The following PPP2R5C variants were observed in gnomAD, a reference collection of about 807,000 sequenced individuals.
PPP2R5C encodes the protein protein phosphatase 2 regulatory subunit B'gamma.
Under a neutral mutation model 68.9 loss-of-function variants are expected in PPP2R5C, and 7 were observed. That is an observed-to-expected ratio of 0.10 (90% CI 0.06 to 0.19). The LOEUF is 0.19. Among genes scored for constraint, PPP2R5C ranks in the 10% least tolerant of loss-of-function variants. The probability of loss-of-function intolerance (pLI) is 1.00; values close to 1 mark genes in which losing one functional copy is unlikely to be tolerated. For synonymous variants in PPP2R5C, 210 were observed against 222.2 expected (o/e 0.95, Z 0.49); for missense variants, 348 against 641.3 (o/e 0.54, Z 4.94).
At position 101,857,473 on chromosome 14, in the gene PPP2R5C, T is replaced by C. The variant is rs1222436128; in HGVS notation, c.294+588T>C. ...CCATGCTGATTGGCTGAGAAGGCCTTCCTCTGTCAGTGCTTCCTCTGTCAT... is the reference window on the plus strand; with the variant it reads ...CCATGCTGATTGGCTGAGAAGGCCTCCCTCTGTCAGTGCTTCCTCTGTCAT... On this transcript the variant is annotated intron_variant, in intron 2 of 13. Transcript: ENST00000334743. Among the ~76,000 whole-genome samples the C allele has an allele frequency of 2.6e-5, 4 of 151,912 alleles. No individual in the cohort carries two copies. In the South Asian group the frequency reaches 6.2e-4, roughly 24 times the overall value.
At position 101,906,362 on chromosome 14, in the gene PPP2R5C, A is replaced by G; in HGVS notation, c.1024-40A>G. On this transcript the variant is annotated intron_variant, in intron 9 of 13. Transcript: ENST00000334743. This position sits in a 1 kb window ranked among gnomAD's most constrained non-coding sequence, Gnocchi z 4.0. The stretch of plus-strand genomic sequence containing the variant: ...AGCAAGGACAGCCACCTGATGTCTC[A>G]GGCACAACCTCCAGCAAGCCATCCA... 1 of 1,547,838 alleles carries G rather than the reference A, an allele frequency of 6.5e-7. No homozygotes were observed. Among genetic ancestry groups the G allele is most frequent in the Non-Finnish European group, 8.7e-7 (1 of 1,149,038 alleles).
intron 10 of PPP2R5C, among the ~76,000 whole-genome samples, chr14:101,908,039 T>G (rs1479178603): frequency 2.0e-5 from 3 of 152,234 alleles, no homozygotes; most frequent in Non-Finnish European, 2.9e-5. Context: ...GCCTTCCTCC[T>G]GAGCAGCTGT....
intron 6 of PPP2R5C, among the ~76,000 whole-genome samples, chr14:101,892,102 C>G (rs2044970659): frequency 6.6e-6 from 1 of 152,062 alleles, no homozygotes; most frequent in South Asian, 2.1e-4. Flanking sequence ...ATTATAGGAG[C>G]CCGCCACCGC....
intron 1 of PPP2R5C, among the ~76,000 whole-genome samples, chr14:101,840,422 T>G (rs961031064): frequency 6.7e-6 from 1 of 149,382 alleles, no homozygotes; most frequent in Non-Finnish European, 1.5e-5. Flanking sequence ...CGCTTGCTGC[T>G]TTCTGGTTTT....
chr14:101,860,300 A>G (rs970786761), intron 2 of PPP2R5C, among the ~76,000 whole-genome samples: 3 of 152,156 alleles, frequency 2.0e-5, no homozygotes, highest in Non-Finnish European at 4.4e-5. Context: ...ATTACAGAAT[A>G]TGTACCCTTT....
At chr14:101,875,167 G>A (rs2043680274) in intron 2 of PPP2R5C, among the ~76,000 whole-genome samples, 3 of 152,158 alleles carry the variant, frequency 2.0e-5, no homozygotes, top group Non-Finnish European at 4.4e-5. Context: ...TCACATCATG[G>A]CATCTATTTG....
chr14:101,823,702 A>T, intron 1 of PPP2R5C: 1 of 975,796 alleles, frequency 1.0e-6, no homozygotes, highest in Non-Finnish European at 1.2e-6. Flanking sequence ...GGAGCTGGTG[A>T]CAGAGACCAG....
chr14:101,865,743 C>T (rs74401859), intron 2 of PPP2R5C, among the ~76,000 whole-genome samples: 59 of 152,264 alleles, frequency 3.9e-4, no homozygotes, highest in African/African-American at 1.4e-3. Context: ...GGGCAGCCCC[C>T]GTGACAAAGT....
intron 1 of PPP2R5C, among the ~76,000 whole-genome samples, chr14:101,841,569 C>T (rs1007423824): frequency 1.3e-5 from 2 of 152,236 alleles, no homozygotes; most frequent in African/African-American, 4.8e-5. Flanking sequence ...ATGAGGCTCC[C>T]TGCTGAGCGG....
chr14:101,848,045 A>T (rs914045135), intron 1 of PPP2R5C, among the ~76,000 whole-genome samples: 1 of 152,190 alleles, frequency 6.6e-6, no homozygotes, highest in African/African-American at 2.4e-5. Context: ...TCTGATAAGC[A>T]TGTCATACCA....
intron 13 of PPP2R5C, among the ~76,000 whole-genome samples, chr14:101,919,969 C>CAAAAAAAAAA (rs34641396): frequency 1.9e-5 from 1 of 52,884 alleles, no homozygotes; most frequent in Non-Finnish European, 3.4e-5. Flanking sequence ...AACTCCGTCT[C>CAAAAAAAAAA]AAAAAAAAAA....
chr14:101,919,198 C>G (rs536151991), intron 13 of PPP2R5C, among the ~76,000 whole-genome samples: 1 of 152,342 alleles, frequency 6.6e-6, no homozygotes, highest in East Asian at 1.9e-4. Context: ...CCACGGTCAT[C>G]GGCCTCTTCT....
chr14:101,761,046 C>CGGAGGGGAGGGGAGTGGAG (rs1595371958), upstream of PPP2R5C, among the ~76,000 whole-genome samples: 1 of 53,274 alleles, frequency 1.9e-5, no homozygotes, highest in Admixed American at 2.1e-4. Context: ...GGGGAGGGGA[C>CGGAGGGGAGGGGAGTGGAG]GGAGGGGAGG....
intron 8 of PPP2R5C, among the ~76,000 whole-genome samples, chr14:101,897,499 A>C (rs940935578): frequency 2.0e-5 from 3 of 151,898 alleles, no homozygotes; most frequent in African/African-American, 7.3e-5. Flanking sequence ...GCCCGTTCCA[A>C]AGCTGAGGAA....
At chr14:101,844,133 GTTTTTTTTGTTTTTTTT>G (rs776455804) in intron 1 of PPP2R5C, 1 of 136,382 alleles carries the variant, frequency 7.3e-6, no homozygotes, top group Admixed American at 7.2e-5. Flanking sequence ...TGTTTTTGGT[GTTTTTTTTGTTTTTTTT>G]TTTTTTTTGA....
At chr14:101,894,229 A>G (rs1320381516) in intron 7 of PPP2R5C, among the ~76,000 whole-genome samples, 2 of 152,212 alleles carry the variant, frequency 1.3e-5, no homozygotes, top group East Asian at 3.8e-4. Flanking sequence ...TAGTCTGCAC[A>G]AGGACCCCAA....
intron 1 of PPP2R5C, among the ~76,000 whole-genome samples, chr14:101,816,206 A>G (rs1427734265): frequency 6.6e-6 from 1 of 152,204 alleles, no homozygotes; most frequent in Non-Finnish European, 1.5e-5. Context: ...TGGTTGAAAG[A>G]GCGACACAGG....
At chr14:101,806,125 A>G (rs1446276165), upstream of PPP2R5C, among the ~76,000 whole-genome samples, 2 of 152,090 alleles carry the variant, frequency 1.3e-5, no homozygotes, top group African/African-American at 4.8e-5. Context: ...AAGTTCTGGG[A>G]TACATGTGTA....
chr14:101,779,264 G>A (rs1325540892), intron 2 of PPP2R5C, among the ~76,000 whole-genome samples: 1 of 152,100 alleles, frequency 6.6e-6, no homozygotes, highest in Non-Finnish European at 1.5e-5. Flanking sequence ...GCAGATAACG[G>A]GGACATGAGA....
Sources: gnomAD v4.1 joint callset for allele counts (sites outside exome capture counted in the v4.1 genomes callset) on GRCh38, gnomAD v4.1.1 for gene constraint, Gnocchi (gnomAD v3.1) non-coding constraint, MANE v1.5 for transcripts, NCBI Gene and HGNC (gene_info 2026-07-23, HGNC 2026-07-21) for gene names.